IQSEC1: variants seen among roughly 807,000 people sequenced by gnomAD.
IQSEC1 encodes the protein IQ motif and Sec7 domain ArfGEF 1, also known as IQ motif and SEC7 domain-containing protein 1.
Under a neutral mutation model 91.0 loss-of-function variants are expected in IQSEC1, and 31 were observed. That is an observed-to-expected ratio of 0.34 (90% CI 0.26 to 0.46). The LOEUF (loss-of-function observed/expected upper bound fraction) is 0.46. Among genes scored for constraint, IQSEC1 ranks in the 20% least tolerant of loss-of-function variants. IQSEC1 has a pLI of 1.00. For synonymous variants in IQSEC1, 699 were observed against 662.6 expected, an observed-to-expected ratio of 1.05 and a Z score of -0.84; for missense variants, 1,388 against 1,575.6, an observed-to-expected ratio of 0.88 and a Z score of 2.02.
intron 10 of IQSEC1, among the ~76,000 whole-genome samples, chr3:12,910,611 A>G (rs2596903): frequency 0.82 from 124,368 of 152,254 alleles, 51,772 homozygotes; most frequent in African/African-American, 0.96. Context: ...CAGGCATGCC[A>G]TGCCCCTTGT....
At chr3:12,985,655 G>A (rs1701694738) in intron 1 of IQSEC1, among the ~76,000 whole-genome samples, 1 of 152,180 alleles carries the variant, frequency 6.6e-6, no homozygotes, top group South Asian at 2.1e-4. Flanking sequence ...AAGGACGGGT[G>A]GCAGAGTGGG....
chr3:13,081,855 C>T (rs2648699), intron 2 of IQSEC1, among the ~76,000 whole-genome samples: 109,355 of 152,112 alleles, frequency 0.72, 39,420 homozygotes, highest in South Asian at 0.78. Flanking sequence ...CTGGTCCTCC[C>T]GTTCACAGAG....
intron 12 of IQSEC1, among the ~76,000 whole-genome samples, chr3:12,907,593 G>T (rs1022791992): frequency 6.6e-6 from 1 of 152,212 alleles, no homozygotes; most frequent in Non-Finnish European, 1.5e-5. Context: ...GGCACCCACC[G>T]GTCGGCCAGT....
chr3:12,975,523 G>C (rs1396428612), intron 1 of IQSEC1, among the ~76,000 whole-genome samples: 6 of 152,208 alleles, frequency 3.9e-5, no homozygotes, highest in African/African-American at 1.4e-4. Context: ...AATAACTTAT[G>C]TAAGGCCACA....
intron 1 of IQSEC1, among the ~76,000 whole-genome samples, chr3:13,280,635 C>A (rs1695773345): frequency 6.6e-6 from 1 of 152,222 alleles, no homozygotes; most frequent in African/African-American, 2.4e-5. Flanking sequence ...ACTGCTCACC[C>A]TGGGGTCCGG....
At position 13,187,552 on chromosome 3, in the gene IQSEC1, C is replaced by T. The variant is rs546192225; in HGVS notation, c.273-23419G>A. ...CCTCTCTCCCACTGGTATGGGGTTT[C>T]CATGAAAGCAGTGACTGCTCCTGTC... is the stretch of plus-strand genomic sequence containing the variant. On this transcript the variant is annotated intron_variant, in intron 1 of 15. Coordinates refer to the IQSEC1 transcript ENST00000648114. Among the ~76,000 whole-genome samples the T allele has an allele frequency of 5.3e-5, 8 of 152,284 alleles. No homozygotes were observed. The South Asian group carries it at 1.7e-3, about 32-fold the overall frequency.
chr3:13,267,582 TG>T (rs1695514004), intron 1 of IQSEC1, among the ~76,000 whole-genome samples: 1 of 151,786 alleles, frequency 6.6e-6, no homozygotes, highest in African/African-American at 2.4e-5. Context: ...TGTGCCCTTC[TG>T]GGGCCAGAGT....
chr3:13,101,346 TGGC>T, intron 2 of IQSEC1, among the ~76,000 whole-genome samples: 1 of 147,396 alleles, frequency 6.8e-6, no homozygotes, highest in Non-Finnish European at 1.5e-5. Context: ...CCGGGCGTGG[TGGC>T]GGGCGTCTCC....
intron 1 of IQSEC1, among the ~76,000 whole-genome samples, chr3:13,249,482 A>G (rs1695159630): frequency 6.6e-6 from 1 of 151,974 alleles, no homozygotes; most frequent in South Asian, 2.1e-4. Context: ...CTTTGGGGGA[A>G]TTTCTTATGG....
chr3:13,013,403 T>C (rs1238944709), intron 1 of IQSEC1, among the ~76,000 whole-genome samples: 1 of 152,142 alleles, frequency 6.6e-6, no homozygotes, highest in Non-Finnish European at 1.5e-5. Context: ...TGCAAGTCCA[T>C]CAGATGGGGC....
chr3:13,066,012 A>G (rs1051961707), intron 1 of IQSEC1, among the ~76,000 whole-genome samples: 3 of 152,212 alleles, frequency 2.0e-5, no homozygotes, highest in African/African-American at 7.2e-5. Flanking sequence ...TTCCACTCAC[A>G]TGACATCCCC....
In IQSEC1 at chr3:13,282,694, C is replaced by A. The variant is rs1695818854; in HGVS notation, c.272+17G>T. Among the ~76,000 whole-genome samples the A allele has an allele frequency of 6.6e-6, 1 of 151,062 alleles. No homozygotes were observed. The highest frequency in any genetic ancestry group is 2.4e-5 in the African/African-American group (1 of 41,284). ...TCCCACGTCCCCGACACGCCCGCCG[C>A]CCCGGGCCCCGCTTACTTGTCGCGG... is the stretch of plus-strand genomic sequence containing the variant. On this transcript the variant is annotated intron_variant, in intron 1 of 15. Transcript: ENST00000648114. The surrounding 1 kb of genome is among the most constrained non-coding windows in gnomAD (Gnocchi z 6.4).
chr3:13,210,874 C>G (rs1694431512), intron 1 of IQSEC1, among the ~76,000 whole-genome samples: 1 of 152,226 alleles, frequency 6.6e-6, no homozygotes, highest in Non-Finnish European at 1.5e-5. Flanking sequence ...GCACGGCCCA[C>G]TGTGGACTGA....
At chr3:12,902,666 A>ATC (rs1401861791) in intron 13 of IQSEC1, 107 bp downstream of exon 13, 2 of 547,552 alleles carry the variant, frequency 3.7e-6, no homozygotes, top group Non-Finnish European at 6.6e-6. Context: ...AACAAAAAAA[A>ATC]AACCAAAAAA....
chr3:13,258,608 C>T (rs948045923), intron 1 of IQSEC1, among the ~76,000 whole-genome samples: 10 of 151,952 alleles, frequency 6.6e-5, no homozygotes, highest in Non-Finnish European at 1.2e-4. Flanking sequence ...ATCACTTGAG[C>T]GCAGGAAATC....
chr3:13,280,280 A>T (rs1297003290), intron 1 of IQSEC1, among the ~76,000 whole-genome samples: 2 of 152,182 alleles, frequency 1.3e-5, no homozygotes, highest in African/African-American at 4.8e-5. Context: ...TTCCAAGCAC[A>T]TTGATAATGA....
chr3:13,264,467 T>G (rs552147312), intron 1 of IQSEC1, among the ~76,000 whole-genome samples: 4 of 152,226 alleles, frequency 2.6e-5, no homozygotes, highest in African/African-American at 9.6e-5. Context: ...TTCTCATCTG[T>G]CTCCAAGTCA....
chr3:12,915,832 C>A, intron 6 of IQSEC1, 99 bp from the exon 7 acceptor site: 1 of 1,387,880 alleles, frequency 7.2e-7, no homozygotes, highest in Non-Finnish European at 9.9e-7. Flanking sequence ...CCACTAGACC[C>A]AACAGAACCA....
At chr3:13,072,936 T>A in intron 1 of IQSEC1, 56 bp downstream of exon 1, 1 of 1,481,618 alleles carries the variant, frequency 6.7e-7, no homozygotes, top group Non-Finnish European at 9.2e-7. Flanking sequence ...AGCTCCCAGC[T>A]CAGCCGGGCC....
Sources: allele counts gnomAD v4.1 joint callset (sites outside exome capture counted in the v4.1 genomes callset), GRCh38; gene constraint gnomAD v4.1.1; non-coding constraint Gnocchi (gnomAD v3.1); transcripts MANE v1.5; gene names NCBI Gene and HGNC (gene_info 2026-07-23, HGNC 2026-07-21).